CAP2: variants seen among roughly 807,000 people sequenced by gnomAD.
The protein encoded by CAP2 is cyclase associated actin cytoskeleton regulatory protein 2.
CAP2 carries 24 observed loss-of-function variants against 57.7 expected under a neutral mutation model. That is an observed-to-expected ratio of 0.42 (90% CI 0.30 to 0.58). CAP2 has a LOEUF of 0.58. Ranked by LOEUF, CAP2 falls within the 20% of genes least tolerant of loss-of-function variation. The pLI, the probability that CAP2 is intolerant of heterozygous loss-of-function variation, is 0.22. For missense variants in CAP2, 501 were observed against 590.3 expected (o/e 0.85, Z 1.57); for synonymous variants, 194 against 207.2 (o/e 0.94, Z 0.55).
intron 1 of CAP2, among the ~76,000 whole-genome samples, chr6:17,416,163 C>CTTTTTTTTTTTTTTTT: frequency 6.6e-6 from 1 of 150,920 alleles, no homozygotes; most frequent in Non-Finnish European, 1.5e-5. Context: ...TGAGAAAACT[C>CTTTTTTTTTTTTTTTT]TTTTAAACAT....
intron 1 of CAP2, among the ~76,000 whole-genome samples, chr6:17,408,815 G>A (rs1004730474): frequency 7.9e-5 from 12 of 151,332 alleles, no homozygotes; most frequent in African/African-American, 1.7e-4. Flanking sequence ...GACTGCAGGC[G>A]CCCGCCACCA....
chr6:17,450,307 C>G (rs1355729822), intron 3 of CAP2, among the ~76,000 whole-genome samples: 2 of 152,148 alleles, frequency 1.3e-5, no homozygotes, highest in Non-Finnish European at 2.9e-5. Context: ...TGTCTCGGCC[C>G]CCAAAGTGCT....
intron 4 of CAP2, among the ~76,000 whole-genome samples, chr6:17,486,688 A>T (rs1460735919): frequency 6.6e-6 from 1 of 152,216 alleles, no homozygotes; most frequent in African/African-American, 2.4e-5. Context: ...ATTCTTTAGA[A>T]ATCAGCCTCA....
At chr6:17,539,636 G>C (rs979430723) in intron 8 of CAP2, among the ~76,000 whole-genome samples, 178 bp downstream of exon 8, 2 of 152,188 alleles carry the variant, frequency 1.3e-5, no homozygotes, top group Non-Finnish European at 2.9e-5. Flanking sequence ...TGTCCATGCA[G>C]ACGGGCTCAG....
chr6:17,441,407 A>G (rs2113563444), intron 3 of CAP2, among the ~76,000 whole-genome samples: 1 of 151,744 alleles, frequency 6.6e-6, no homozygotes, highest in South Asian at 2.1e-4. Flanking sequence ...ATTTTAAAAT[A>G]CTTTTTAAAT....
At chr6:17,465,655 T>G (rs1438366341) in intron 4 of CAP2, among the ~76,000 whole-genome samples, 1 of 152,194 alleles carries the variant, frequency 6.6e-6, no homozygotes, top group Non-Finnish European at 1.5e-5. Context: ...CTCAAGAGGC[T>G]GAAGAAGAGA....
intron 4 of CAP2, among the ~76,000 whole-genome samples, chr6:17,487,606 A>C (rs1322695405): frequency 1.3e-5 from 2 of 152,106 alleles, no homozygotes; most frequent in East Asian, 3.9e-4. Context: ...AGTAGCTGGG[A>C]TTACAGGCAC....
At position 17,539,339 on chromosome 6, in the gene CAP2, C is replaced by G; in HGVS notation, c.707C>G (p.Pro236Arg). The G allele has an allele frequency of 6.2e-7, 1 of 1,614,070 alleles. No homozygotes were observed. The highest frequency in any genetic ancestry group is 8.5e-7 in the Non-Finnish European group (1 of 1,179,902). ...SSGPGLPPPP[P>R]PLPPPGPPPL... is the part of the protein sequence containing the mutation. ...GGGCCTGGCCTTCCTCCACCCCCTC[C>G]TCCTCTGCCTCCTCCAGGGCCACCT... The change falls in exon 8 of 13, where the codon CCT (proline) becomes CGT (arginine). Residue 236 changes from proline (P) to arginine (R), a missense_variant. Coordinates refer to ENST00000229922, the MANE Select transcript of CAP2 (RefSeq NM_006366.3).
In CAP2 at chr6:17,556,545, C is replaced by A; in HGVS notation, c.*103C>A. 1.2e-6 allele frequency: 1 copy of A among 805,122 alleles called. No homozygotes were observed. The highest frequency in any genetic ancestry group is 2.2e-6 in the Non-Finnish European group (1 of 454,754). 49.9% of individuals were successfully genotyped at this position (805,122 alleles called of 1,614,324 possible). ...GTTGCAGTAGCCCCTACTGCTTTAG[C>A]TTTGGCCTCCAACGATTCTGTGCTA... On this transcript the variant is annotated 3_prime_UTR_variant, in exon 13 of 13. Coordinates refer to ENST00000229922, the MANE Select transcript of CAP2 (RefSeq NM_006366.3).
In CAP2 at chr6:17,497,887, T is replaced by C. The variant is rs563224547; in HGVS notation, c.301-9282T>C. Reference sequence around the variant, plus strand: ...TAATGTGAAGGGTTTTCTTGTTTGTTTATTTTGTTCTGTTTTTATGGTCTC... The same window carrying C: ...TAATGTGAAGGGTTTTCTTGTTTGTCTATTTTGTTCTGTTTTTATGGTCTC... On this transcript the variant is annotated intron_variant, in intron 4 of 12. Transcript: ENST00000229922. 3.9e-5 allele frequency among the ~76,000 whole-genome samples: 6 copies of C among 152,358 alleles called. No homozygotes were observed. The South Asian group carries it at 1.0e-3, about 26-fold the overall frequency.
chr6:17,483,324 C>A (rs1176911456), intron 4 of CAP2, among the ~76,000 whole-genome samples: 2 of 152,092 alleles, frequency 1.3e-5, no homozygotes, highest in Non-Finnish European at 2.9e-5. Flanking sequence ...CAGCAATTTT[C>A]TTGATTTCTT....
At chr6:17,469,252 G>T (rs2113606373) in intron 4 of CAP2, among the ~76,000 whole-genome samples, 1 of 152,370 alleles carries the variant, frequency 6.6e-6, no homozygotes, top group South Asian at 2.1e-4. Flanking sequence ...TAGTTTGCAG[G>T]AGCAGAAGAG....
rs1561783618 is a variant in CAP2 at position 17,438,443 on chromosome 6, T to TTTTG, written c.222+11756_222+11757insGTTT. 8.6e-4 allele frequency among the ~76,000 whole-genome samples: 110 copies of TTTTG among 127,200 alleles called. 7 individuals carry two copies. The highest frequency in any genetic ancestry group is 3.5e-3 in the African/African-American group (100 of 28,426). 83.4% of individuals were successfully genotyped at this position (127,200 alleles called of 152,430 possible). On this transcript the variant is annotated intron_variant, in intron 3 of 12. Coordinates refer to ENST00000229922, the MANE Select transcript of CAP2 (RefSeq NM_006366.3). ...TGACCATCCAGAAGTGTTTTTTTTT[T>TTTTG]TTTTTTTTTTTTTGAGACGGAATCT...
intron 11 of CAP2, among the ~76,000 whole-genome samples, chr6:17,547,770 G>A (rs564285483): frequency 6.6e-6 from 1 of 151,740 alleles, no homozygotes; most frequent in Non-Finnish European, 1.5e-5. Flanking sequence ...GAACCCGGGA[G>A]GCAGAGCTTG....
chr6:17,542,374 T>A (rs563441053), intron 9 of CAP2, among the ~76,000 whole-genome samples: 3 of 152,128 alleles, frequency 2.0e-5, no homozygotes, highest in Non-Finnish European at 4.4e-5. Flanking sequence ...AAAGCTGGTG[T>A]CTCCTGCTGA....
intron 7 of CAP2, among the ~76,000 whole-genome samples, chr6:17,518,052 G>A (rs1440101723): frequency 6.6e-6 from 1 of 152,006 alleles, no homozygotes; most frequent in Non-Finnish European, 1.5e-5. Context: ...TATGCCAGGG[G>A]AATATTCTAT....
chr6:17,404,243 T>G (rs925981622), intron 1 of CAP2, among the ~76,000 whole-genome samples: 3 of 151,974 alleles, frequency 2.0e-5, no homozygotes, highest in African/African-American at 7.3e-5. Flanking sequence ...GAGGCCGAGG[T>G]GGGTGGATCA....
At chr6:17,530,330 C>T (rs1271268968) in intron 7 of CAP2, among the ~76,000 whole-genome samples, 1 of 152,136 alleles carries the variant, frequency 6.6e-6, no homozygotes, top group Non-Finnish European at 1.5e-5. Context: ...GCCCTTCCAC[C>T]TCAGCCTCCC....
chr6:17,476,676 A>G (rs1761155907), intron 4 of CAP2, among the ~76,000 whole-genome samples: 1 of 152,116 alleles, frequency 6.6e-6, no homozygotes, highest in African/African-American at 2.4e-5. Context: ...CAAGGCTTAA[A>G]TGGGAAAAGG....
Sources: gnomAD v4.1 joint callset for allele counts (sites outside exome capture counted in the v4.1 genomes callset) on GRCh38, gnomAD v4.1.1 for gene constraint, MANE v1.5 for transcripts, NCBI Gene and HGNC (gene_info 2026-07-23, HGNC 2026-07-21) for gene names.